The following ABRAXAS2 variants were observed in gnomAD, a reference collection of about 807,000 sequenced individuals.
ABRAXAS2 encodes abraxas 2, BRISC complex subunit.
A neutral mutation model predicts 49.0 loss-of-function variants in ABRAXAS2; 23 were observed. That is an observed-to-expected ratio of 0.47 (90% confidence interval 0.34 to 0.66). The LOEUF is 0.66. ABRAXAS2 is among the 30% of genes least tolerant of loss of function. The pLI is 0.01. For missense variants in ABRAXAS2, 443 were observed against 511.9 expected, an observed-to-expected ratio of 0.87 and a Z score of 1.30; for synonymous variants, 168 against 180.2, an observed-to-expected ratio of 0.93 and a Z score of 0.54.
Position 124,801,925 on chromosome 10 carries a change from G to T in ABRAXAS2, c.72+24G>T, listed in dbSNP as rs372327539. The T allele has an allele frequency of 4.4e-6, 7 of 1,606,550 alleles. No individual in the cohort carries two copies. In the East Asian group the frequency reaches 1.6e-4, roughly 36 times the overall value. ...ACGTAGGTGCCGGGCCCCCTGCCGC[G>T]CCCGCTGGGGGCTTTCAGCCTCTGT... On this transcript the variant is annotated intron_variant, in intron 1 of 8. Transcript: ENST00000298492.
chr10:124,802,035 G>C, intron 1 of ABRAXAS2, 134 bp downstream of exon 1: 1 of 835,098 alleles, frequency 1.2e-6, no homozygotes, highest in South Asian at 1.8e-5. Flanking sequence ...CTGGTGACCC[G>C]GGCGGCTCCC....
Position 124,829,373 on chromosome 10 carries a change from T to C in ABRAXAS2, c.579-20T>C, listed in dbSNP as rs777730841. 1 of 1,564,870 alleles carries C rather than the reference T, an allele frequency of 6.4e-7. No individual in the cohort carries two copies. The highest frequency in any genetic ancestry group is 1.1e-5 in the South Asian group (1 of 88,048). On this transcript the variant is annotated intron_variant, in intron 6 of 8. Transcript: ENST00000298492. ...CAGTTATGATAACCTTGAGGCATCTTTTTTCTGTTTGTCTTCCAGTACTGA... is the reference window on the plus strand; with the variant it reads ...CAGTTATGATAACCTTGAGGCATCTCTTTTCTGTTTGTCTTCCAGTACTGA...
chr10:124,816,453 G>T, intron 2 of ABRAXAS2, 123 bp from the exon 3 acceptor site: 3 of 671,578 alleles, frequency 4.5e-6, no homozygotes, highest in South Asian at 1.8e-5. Flanking sequence ...GCAACTGTTT[G>T]GCAGAGGGAA....
At chr10:124,833,841 C>G (rs1294141664) in intron 8 of ABRAXAS2, among the ~76,000 whole-genome samples, 1 of 152,062 alleles carries the variant, frequency 6.6e-6, no homozygotes, top group African/African-American at 2.4e-5. Flanking sequence ...TCTTTCACAA[C>G]ACTAATAAAA....
At chr10:124,834,467 T>C in intron 8 of ABRAXAS2, 35 bp from the exon 9 acceptor site, 1 of 1,556,714 alleles carries the variant, frequency 6.4e-7, no homozygotes, top group Non-Finnish European at 8.7e-7. Flanking sequence ...TGTGAGAATC[T>C]AGAAAGTGTT....
chr10:124,821,931 C>G (rs776490869), intron 4 of ABRAXAS2, among the ~76,000 whole-genome samples: 1 of 152,192 alleles, frequency 6.6e-6, no homozygotes, highest in Admixed American at 6.5e-5. Flanking sequence ...ATGTTCTGCA[C>G]GCTTCACGTG....
intron 2 of ABRAXAS2, among the ~76,000 whole-genome samples, chr10:124,807,400 C>A (rs1950752996): frequency 6.6e-6 from 1 of 151,278 alleles, no homozygotes; most frequent in Non-Finnish European, 1.5e-5. Flanking sequence ...TGCCTGTAAT[C>A]CCAGCACTTT....
At chr10:124,830,699 T>G (rs1235224529) in intron 7 of ABRAXAS2, among the ~76,000 whole-genome samples, 1 of 152,240 alleles carries the variant, frequency 6.6e-6, no homozygotes, top group Admixed American at 6.5e-5. Flanking sequence ...GAACTTGCAG[T>G]GGAAAATAGC....
At chr10:124,810,503 G>A (rs1950779845) in intron 2 of ABRAXAS2, among the ~76,000 whole-genome samples, 1 of 152,120 alleles carries the variant, frequency 6.6e-6, no homozygotes. Flanking sequence ...TCCAGGCTGA[G>A]CAACAGAGCA....
intron 2 of ABRAXAS2, among the ~76,000 whole-genome samples, chr10:124,809,995 C>T (rs1368585657): frequency 3.3e-5 from 5 of 152,140 alleles, no homozygotes; most frequent in East Asian, 3.9e-4. Context: ...TCAGGTGATC[C>T]GCCCACCTTG....
At chr10:124,820,726 G>A (rs148424860) in intron 4 of ABRAXAS2, among the ~76,000 whole-genome samples, 5,201 of 151,540 alleles carry the variant, frequency 0.034, 129 homozygotes, top group Non-Finnish European at 0.046. Flanking sequence ...CACCTGCCTC[G>A]GCCTCCCAAA....
At chr10:124,827,262 C>G (rs992977500) in intron 5 of ABRAXAS2, among the ~76,000 whole-genome samples, 1 of 150,016 alleles carries the variant, frequency 6.7e-6, no homozygotes, top group Non-Finnish European at 1.5e-5. Flanking sequence ...CAGGTTCAAG[C>G]GATTCTCTTG....
At chr10:124,827,521 G>A (rs1564924454) in intron 5 of ABRAXAS2, among the ~76,000 whole-genome samples, 1 of 152,036 alleles carries the variant, frequency 6.6e-6, no homozygotes, top group South Asian at 2.1e-4. Context: ...ACATAAAATT[G>A]TTTTTGGATC....
At chr10:124,826,972 T>C (rs746619398) in intron 5 of ABRAXAS2, among the ~76,000 whole-genome samples, 187 bp downstream of exon 5, 13 of 151,478 alleles carry the variant, frequency 8.6e-5, no homozygotes, top group Non-Finnish European at 1.2e-4. Context: ...CACGTGGCTG[T>C]ATTCCCAGCT....
At chr10:124,811,370 G>C (rs192589564) in intron 2 of ABRAXAS2, among the ~76,000 whole-genome samples, 173 of 152,158 alleles carry the variant, frequency 1.1e-3, no homozygotes, top group African/African-American at 4.0e-3. Context: ...ATGAAAGAAA[G>C]ACCTCTCTTA....
intron 2 of ABRAXAS2, 97 bp from the exon 3 acceptor site, chr10:124,816,479 T>C: frequency 1.3e-6 from 1 of 759,832 alleles, no homozygotes; most frequent in Admixed American, 2.9e-5. Flanking sequence ...GTCTTTGTTG[T>C]CAGAGATTTT....
At chr10:124,826,837 G>A in intron 5 of ABRAXAS2, 52 bp downstream of exon 5, 1 of 1,570,320 alleles carries the variant, frequency 6.4e-7, no homozygotes, top group Non-Finnish European at 8.7e-7. Flanking sequence ...GTTGGGACCA[G>A]GCGTGGTGGC....
chr10:124,835,039 C>G lies in ABRAXAS2; in HGVS notation c.*68C>G. On this transcript the variant is annotated 3_prime_UTR_variant, in exon 9 of 9. Coordinates refer to ENST00000298492, the MANE Select transcript of ABRAXAS2 (RefSeq NM_032182.4). ...TGCTTACTGAGAGGGTTTTTGAGAA[C>G]TTAATCTGGGGGGAGAACTGCTTTC... 7.9e-7 allele frequency: 1 copy of G among 1,258,180 alleles called. No individual in the cohort carries two copies. The highest frequency in any genetic ancestry group is 1.5e-5 in the African/African-American group (1 of 66,326). The allele number at this position is 1,258,180 out of a possible 1,614,324, so 77.9% of individuals were successfully genotyped here. A position where few individuals can be genotyped will look rare whatever the true frequency, so the allele number is the denominator to read the frequency against.
chr10:124,815,892 CTTTTTTTTT>C (rs34730970), intron 2 of ABRAXAS2, among the ~76,000 whole-genome samples: 2 of 94,668 alleles, frequency 2.1e-5, no homozygotes, highest in Non-Finnish European at 4.1e-5. Context: ...GTCCTCGCAG[CTTTTTTTTT>C]TTTTTTTTTT....
Sources: allele counts gnomAD v4.1 joint callset (sites outside exome capture counted in the v4.1 genomes callset), GRCh38; gene constraint gnomAD v4.1.1; transcripts MANE v1.5; gene names NCBI Gene and HGNC (gene_info 2026-07-23, HGNC 2026-07-21).